Variants in PPP3CA observed in about 807,000 individuals in gnomAD.
PPP3CA encodes CAM-PRP catalytic subunit.
PPP3CA carries 14 observed loss-of-function variants against 66.5 expected under a neutral mutation model. The ratio of observed to expected loss-of-function variants is 0.21; its 90% CI spans 0.14 to 0.33. The LOEUF (loss-of-function observed/expected upper bound fraction) is 0.33, where lower values mean the gene tolerates loss of function less well. Among genes scored for constraint, PPP3CA ranks in the 10% least tolerant of loss-of-function variants. The pLI, the probability that PPP3CA is intolerant of heterozygous loss-of-function variation, is 1.00. For missense variants in PPP3CA, 317 were observed against 639.5 expected (o/e 0.50, Z 5.44); for synonymous variants, 232 against 226.2 (o/e 1.03, Z -0.23).
intron 12 of PPP3CA, among the ~76,000 whole-genome samples, chr4:101,030,475 A>AAAAT (rs1726893215): frequency 1.4e-5 from 2 of 147,632 alleles, no homozygotes; most frequent in Non-Finnish European, 2.9e-5. Context: ...TATGTGGTTT[A>AAAAT]AAATATATAG....
At chr4:101,207,507 T>C (rs1725169960) in intron 1 of PPP3CA, among the ~76,000 whole-genome samples, 1 of 152,036 alleles carries the variant, frequency 6.6e-6, no homozygotes. Flanking sequence ...AAATGAAAAA[T>C]TTATTGAGAA....
Position 101,299,120 on chromosome 4 carries a change from T to G in PPP3CA, c.58+47619A>C, listed in dbSNP as rs1004413142. Among the ~76,000 whole-genome samples, 373 of 145,498 alleles carry G rather than the reference T, an allele frequency of 2.6e-3. 11 individuals are homozygous for G. The highest frequency in any genetic ancestry group is 8.1e-3 in the East Asian group (41 of 5,084). ...TGCCATATATCGTTTTTTTTTTTTT[T>G]TTTTTTTTTTTTGGTACAGAAGGGG... On this transcript the variant is annotated intron_variant, in intron 1 of 13. Coordinates refer to ENST00000394854, the MANE Select transcript of PPP3CA (RefSeq NM_000944.5).
rs562138808 is a variant in PPP3CA, at chr4:101,081,439, G to A, written c.861-813C>T. 2.3e-4 allele frequency among the ~76,000 whole-genome samples: 35 copies of A among 152,240 alleles called. No homozygotes were observed. The South Asian group carries it at 6.8e-3, about 30-fold the overall frequency. The stretch of plus-strand genomic sequence containing the variant: ...AATAAACCAACAATCCAGTTACTAA[G>A]CAGAAATAATTTATAATGTAACACT... On this transcript the variant is annotated intron_variant, in intron 7 of 13. Coordinates refer to ENST00000394854, the MANE Select transcript of PPP3CA (RefSeq NM_000944.5).
chr4:101,047,640 T>G (rs1560577185), intron 10 of PPP3CA, among the ~76,000 whole-genome samples: 1 of 152,098 alleles, frequency 6.6e-6, no homozygotes, highest in Admixed American at 6.6e-5. Context: ...TGTTTTAAAT[T>G]AGACAGGATC....
chr4:101,226,574 C>T (rs713454), intron 1 of PPP3CA, among the ~76,000 whole-genome samples: 100,499 of 151,594 alleles, frequency 0.66, 34,294 homozygotes, highest in Non-Finnish European at 0.74. Flanking sequence ...ATTCAGTTCA[C>T]GGTATAACTG....
At chr4:101,115,157 A>C (rs546406964) in intron 2 of PPP3CA, among the ~76,000 whole-genome samples, 33 of 152,206 alleles carry the variant, frequency 2.2e-4, no homozygotes, top group African/African-American at 7.7e-4. Context: ...GACTCTTTGT[A>C]GTTAGCTGAG....
intron 2 of PPP3CA, among the ~76,000 whole-genome samples, chr4:101,177,407 C>T (rs1724096553): frequency 6.6e-6 from 1 of 152,108 alleles, no homozygotes; most frequent in Admixed American, 6.6e-5. Context: ...AGAACTGGCA[C>T]AATCTCTCGG....
At chr4:101,327,606 T>C (rs1284262405) in intron 1 of PPP3CA, among the ~76,000 whole-genome samples, 2 of 152,220 alleles carry the variant, frequency 1.3e-5, no homozygotes, top group East Asian at 1.9e-4. Context: ...TACTTTGATA[T>C]TCCTATTTGA....
intron 1 of PPP3CA, among the ~76,000 whole-genome samples, chr4:101,301,464 ATATAT>A (rs1044603544): frequency 6.6e-4 from 97 of 146,328 alleles, no homozygotes; most frequent in African/African-American, 1.7e-3. Context: ...TATATATTAT[ATATAT>A]TATATTTATA....
At position 101,347,100 on chromosome 4, in the gene PPP3CA, T is replaced by A. The variant is rs1430083870; in HGVS notation, c.-304A>T. The A allele has an allele frequency of 2.0e-6, 1 of 501,008 alleles. No homozygotes were observed. Among genetic ancestry groups the A allele is most frequent in the Non-Finnish European group, 3.6e-6 (1 of 280,226 alleles). 31.0% of individuals were successfully genotyped at this position (501,008 alleles called of 1,614,324 possible). Reference sequence around the variant, plus strand: ...TGAGCACGCCTCCCGGTTCTTCTTTTATTCTTGGGGGAAGGGGGATGGGGA... The same window carrying A: ...TGAGCACGCCTCCCGGTTCTTCTTTAATTCTTGGGGGAAGGGGGATGGGGA... On this transcript the variant is annotated 5_prime_UTR_variant, in exon 1 of 14. Coordinates refer to ENST00000394854, the MANE Select transcript of PPP3CA (RefSeq NM_000944.5).
Position 101,213,733 on chromosome 4 carries a change from A to G in PPP3CA, c.59-17617T>C, listed in dbSNP as rs974476591. ...GAGTGAAGAAAACGAGTTCACATTA[A>G]ATGGTAAAAATAACACAGCTTGTGG... is the stretch of plus-strand genomic sequence containing the variant. On this transcript the variant is annotated intron_variant, in intron 1 of 13. Coordinates refer to ENST00000394854, the MANE Select transcript of PPP3CA (RefSeq NM_000944.5). Among the ~76,000 whole-genome samples the G allele has an allele frequency of 2.6e-5, 4 of 152,154 alleles. No individual in the cohort carries two copies. In the East Asian group the frequency reaches 7.7e-4, roughly 29 times the overall value.
chr4:101,312,871 C>T (rs1340704196), intron 1 of PPP3CA, among the ~76,000 whole-genome samples: 1 of 152,168 alleles, frequency 6.6e-6, no homozygotes, highest in Non-Finnish European at 1.5e-5. Context: ...AAAGTGGTTG[C>T]AGGCAAAACC....
At chr4:101,112,740 C>T (rs1161378972) in intron 2 of PPP3CA, among the ~76,000 whole-genome samples, 1 of 152,132 alleles carries the variant, frequency 6.6e-6, no homozygotes, top group Non-Finnish European at 1.5e-5. Flanking sequence ...GGAGCAAACT[C>T]CCTCCACTAT....
chr4:101,091,350 C>T (rs1298029831), intron 6 of PPP3CA, among the ~76,000 whole-genome samples: 1 of 152,120 alleles, frequency 6.6e-6, no homozygotes, highest in Non-Finnish European at 1.5e-5. Flanking sequence ...AAATTAATTA[C>T]TGAAAATAAA....
chr4:101,197,795 A>G (rs1724847841), intron 1 of PPP3CA, among the ~76,000 whole-genome samples: 1 of 152,156 alleles, frequency 6.6e-6, no homozygotes, highest in Admixed American at 6.6e-5. Context: ...GAGGCTCAAA[A>G]ATATTAAGCA....
intron 8 of PPP3CA, among the ~76,000 whole-genome samples, chr4:101,077,939 G>A (rs1221795708): frequency 6.6e-6 from 1 of 151,626 alleles, no homozygotes; most frequent in Non-Finnish European, 1.5e-5. Flanking sequence ...GCATTACCTA[G>A]CATTATGAAG....
intron 13 of PPP3CA, among the ~76,000 whole-genome samples, chr4:101,026,647 T>C (rs1726665883): frequency 7.7e-6 from 1 of 130,446 alleles, no homozygotes; most frequent in Admixed American, 7.3e-5. Context: ...AACTCAATGA[T>C]GACATGAAAA....
chr4:101,199,444 G>A (rs1724902381), intron 1 of PPP3CA, among the ~76,000 whole-genome samples: 1 of 152,120 alleles, frequency 6.6e-6, no homozygotes, highest in Admixed American at 6.6e-5. Context: ...GTTGATATTT[G>A]GGCTGGCTCT....
At position 101,172,533 on chromosome 4, in the gene PPP3CA, A is replaced by C. The variant is rs79723144; in HGVS notation, c.259+23383T>G. On this transcript the variant is annotated intron_variant, in intron 2 of 13. Coordinates refer to ENST00000394854, the MANE Select transcript of PPP3CA (RefSeq NM_000944.5). ...GTTAGTCACAGTTCCCTTGTGACTA[A>C]ATGTCCCCAAAATGTTTTCCTCACT... is the stretch of plus-strand genomic sequence containing the variant. 3.8e-3 allele frequency among the ~76,000 whole-genome samples: 580 copies of C among 152,184 alleles called. 5 individuals carry two copies. The highest frequency in any genetic ancestry group is 0.013 in the African/African-American group (544 of 41,520).
Sources: gnomAD v4.1 joint callset for allele counts (sites outside exome capture counted in the v4.1 genomes callset) on GRCh38, gnomAD v4.1.1 for gene constraint, MANE v1.5 for transcripts, NCBI Gene and HGNC (gene_info 2026-07-23, HGNC 2026-07-21) for gene names.